Variants in ZCCHC7 observed in about 807,000 individuals in gnomAD.
The protein encoded by ZCCHC7 is zinc finger CCHC domain-containing protein 7.
Under a neutral mutation model 52.0 loss-of-function variants are expected in ZCCHC7, and 35 were observed. That is an observed-to-expected ratio of 0.67 (90% confidence interval 0.51 to 0.89). The LOEUF is 0.89. Among genes scored for constraint, ZCCHC7 ranks in the 40% least tolerant of loss-of-function variants. The pLI is 0.00. For synonymous variants in ZCCHC7, 217 were observed against 221.5 expected (o/e 0.98, Z 0.18); for missense variants, 574 against 649.1 (o/e 0.88, Z 1.26).
intron 2 of ZCCHC7, among the ~76,000 whole-genome samples, chr9:37,291,771 G>A (rs1031363873): frequency 5.3e-5 from 8 of 152,006 alleles, no homozygotes; most frequent in Non-Finnish European, 7.4e-5. Flanking sequence ...TTGGCTCACC[G>A]CAACCTTCAC....
intron 1 of ZCCHC7, among the ~76,000 whole-genome samples, chr9:37,124,254 G>A (rs1305608673): frequency 2.0e-5 from 3 of 151,960 alleles, no homozygotes; most frequent in Non-Finnish European, 2.9e-5. Context: ...ATTTTAATCA[G>A]TAGTCCATCA....
chr9:37,124,624 G>A (rs1019906889), intron 1 of ZCCHC7, among the ~76,000 whole-genome samples: 1 of 152,130 alleles, frequency 6.6e-6, no homozygotes, highest in Non-Finnish European at 1.5e-5. Flanking sequence ...GACATGTAAA[G>A]TACTTATGGA....
chr9:37,168,646 C>G lies in ZCCHC7; in HGVS notation c.610+41704C>G, dbSNP rs558231748. 2.0e-5 allele frequency among the ~76,000 whole-genome samples: 3 copies of G among 152,178 alleles called. No homozygotes were observed. In the South Asian group the frequency reaches 6.2e-4, roughly 32 times the overall value. ...GGCGTGCTGGCTCATGCCTGTAATC[C>G]CAGTGCTTTTGAGAGCCGAGGCAGG... On this transcript the variant is annotated intron_variant, in intron 2 of 8. Transcript: ENST00000336755.
chr9:37,155,342 C>T (rs1192987123), intron 2 of ZCCHC7, among the ~76,000 whole-genome samples: 2 of 150,534 alleles, frequency 1.3e-5, no homozygotes, highest in East Asian at 1.9e-4. Flanking sequence ...GGTGACAGAG[C>T]GAGACTCCGT....
rs1397917748 is a variant in ZCCHC7, at chr9:37,305,603, C to T, written c.840C>T (p.Ala280=). ...GACATCTCCTGTATTCCTGTCCAGC[C>T]CCCCTTTGCGAATACTGTCCTGTGC... is the stretch of plus-strand genomic sequence containing the variant. The part of the protein sequence containing the change: ...RRGHLLYSCP[A]PLCEYCPVPK... Residue 280 remains alanine (A), a synonymous_variant, in exon 5 of 9, where the codon GCC becomes GCT. Coordinates refer to ENST00000336755, the MANE Select transcript of ZCCHC7 (RefSeq NM_032226.3). 1.9e-6 allele frequency: 3 copies of T among 1,613,950 alleles called. No homozygotes were observed. Among genetic ancestry groups the T allele is most frequent in the African/African-American group, 2.7e-5 (2 of 74,888 alleles).
intron 1 of ZCCHC7, among the ~76,000 whole-genome samples, chr9:37,122,415 T>C (rs1165191687): frequency 4.6e-5 from 7 of 152,366 alleles, no homozygotes; most frequent in Non-Finnish European, 1.0e-4. Context: ...AAACATCTTT[T>C]CTGGTCATGG....
intron 2 of ZCCHC7, among the ~76,000 whole-genome samples, chr9:37,228,136 G>A (rs1825211605): frequency 6.6e-6 from 1 of 151,992 alleles, no homozygotes; most frequent in African/African-American, 2.4e-5. Flanking sequence ...CAGATACAGT[G>A]GACTATGTAC....
intron 2 of ZCCHC7, among the ~76,000 whole-genome samples, chr9:37,229,055 G>A (rs962345682): frequency 1.3e-5 from 2 of 151,778 alleles, no homozygotes; most frequent in Non-Finnish European, 2.9e-5. Context: ...GGCTGGTCTC[G>A]AACTCCTGAG....
intron 2 of ZCCHC7, among the ~76,000 whole-genome samples, chr9:37,213,154 G>A (rs7848459): frequency 0.037 from 5,599 of 152,276 alleles, 230 homozygotes; most frequent in African/African-American, 0.098. Flanking sequence ...TTAGTACCAA[G>A]AAGGATTAAT....
chr9:37,157,197 GAAA>G (rs112401588), intron 2 of ZCCHC7, among the ~76,000 whole-genome samples: 6 of 133,844 alleles, frequency 4.5e-5, no homozygotes, highest in South Asian at 2.5e-4. Flanking sequence ...AAACTTAGTT[GAAA>G]AAAAAAAAAA....
chr9:37,202,256 A>G (rs992857335), intron 2 of ZCCHC7, among the ~76,000 whole-genome samples: 1 of 152,218 alleles, frequency 6.6e-6, no homozygotes, highest in African/African-American at 2.4e-5. Context: ...ACATGCATGT[A>G]CAATAGTAGG....
intron 2 of ZCCHC7, chr9:37,187,081 CTT>C (rs1216647848): frequency 6.1e-6 from 1 of 164,088 alleles, no homozygotes; most frequent in Non-Finnish European, 1.3e-5. Context: ...TTAGTTGAGT[CTT>C]TAAATTATTG....
intron 2 of ZCCHC7, among the ~76,000 whole-genome samples, chr9:37,150,164 TGGA>T (rs1820441173): frequency 6.6e-6 from 1 of 152,182 alleles, no homozygotes; most frequent in Non-Finnish European, 1.5e-5. Flanking sequence ...TTAATCAGGT[TGGA>T]GAAGGGAGTT....
At chr9:37,140,270 CGTT>C (rs1250735060) in intron 2 of ZCCHC7, among the ~76,000 whole-genome samples, 1 of 151,844 alleles carries the variant, frequency 6.6e-6, no homozygotes, top group East Asian at 1.9e-4. Context: ...AATAAAAATT[CGTT>C]GTTCTGATAA....
At position 37,126,653 on chromosome 9, in the gene ZCCHC7, T is replaced by A; in HGVS notation, c.321T>A (p.Asn107Lys). ...GTATTTATAGATGTAAAGGAAAGAA[T>A]GTTAGAGTTCAAGCACAAGAAAATG... ...EDSIYRCKGK[N>K]VRVQAQENAH... Residue 107 changes from asparagine to lysine, a missense_variant, in exon 2 of 9, where the codon AAT (asparagine) becomes AAA (lysine). By Grantham distance (94) the Asn-to-Lys change is moderately conservative (BLOSUM62 0). This residue lies in a region of ZCCHC7 where 403 missense variants were observed against 461.2 expected (regional missense o/e 0.87). Transcript: ENST00000336755. 6.2e-7 allele frequency: 1 copy of A among 1,614,174 alleles called. No individual in the cohort carries two copies. Among genetic ancestry groups the A allele is most frequent in the Non-Finnish European group, 8.5e-7 (1 of 1,180,030 alleles).
intron 2 of ZCCHC7, among the ~76,000 whole-genome samples, chr9:37,293,145 A>G (rs1828617036): frequency 6.6e-6 from 1 of 152,230 alleles, no homozygotes. Flanking sequence ...AATGAATGTA[A>G]TATAAACATT....
At chr9:37,231,616 C>T (rs1046780440) in intron 2 of ZCCHC7, among the ~76,000 whole-genome samples, 3 of 152,098 alleles carry the variant, frequency 2.0e-5, no homozygotes, top group African/African-American at 4.8e-5. Flanking sequence ...ATACCTTAAA[C>T]GATACATAAT....
chr9:37,145,056 T>A (rs1843379770), intron 2 of ZCCHC7: 1 of 152,058 alleles, frequency 6.6e-6, no homozygotes, highest in Non-Finnish European at 1.5e-5. Flanking sequence ...TAAGCCATTG[T>A]GTACTTAGTA....
At chr9:37,120,801 C>T (rs1468958695) in intron 1 of ZCCHC7, 178 bp downstream of exon 1, 2 of 309,608 alleles carry the variant, frequency 6.5e-6, no homozygotes, top group Admixed American at 5.1e-5. Flanking sequence ...CGCCGCCCCA[C>T]GCGGCCGGGC....
Sources: allele counts gnomAD v4.1 joint callset (sites outside exome capture counted in the v4.1 genomes callset), GRCh38; gene constraint gnomAD v4.1.1; regional missense constraint gnomAD v4.1.1; transcripts MANE v1.5; gene names NCBI Gene and HGNC (gene_info 2026-07-23, HGNC 2026-07-21).